The following ABCC11 variants were observed in gnomAD, a reference collection of about 807,000 sequenced individuals.
The protein encoded by ABCC11 is ATP-binding cassette sub-family C member 11.
In ABCC11, 135 loss-of-function variants were observed where a neutral mutation model predicts 149.3. The ratio of observed to expected loss-of-function variants is 0.90; its 90% CI spans 0.79 to 1.04. The LOEUF (loss-of-function observed/expected upper bound fraction) is 1.04, where lower values mean the gene tolerates loss of function less well. ABCC11 is among the 50% of genes least tolerant of loss of function. ABCC11 has a pLI of 0.00. For synonymous variants in ABCC11, 665 were observed against 671.4 expected (o/e 0.99, Z 0.15); for missense variants, 1,680 against 1,722.1 (o/e 0.98, Z 0.43).
At chr16:48,196,548 T>A (rs1967436032) in intron 17 of ABCC11, among the ~76,000 whole-genome samples, 1 of 152,202 alleles carries the variant, frequency 6.6e-6, no homozygotes, top group Non-Finnish European at 1.5e-5. Flanking sequence ...CTGGAGGGAC[T>A]GCGGGGTCTC....
At chr16:48,233,198 C>G (rs544960527) in intron 1 of ABCC11, among the ~76,000 whole-genome samples, 1 of 152,284 alleles carries the variant, frequency 6.6e-6, no homozygotes, top group East Asian at 1.9e-4. Context: ...AAGACCCCAT[C>G]TCAAAAAACA....
At chr16:48,208,950 A>G (rs929464989) in intron 11 of ABCC11, among the ~76,000 whole-genome samples, 2 of 152,226 alleles carry the variant, frequency 1.3e-5, no homozygotes, top group Non-Finnish European at 2.9e-5. Flanking sequence ...CTATGGACCT[A>G]GTAATGAAGA....
chr16:48,183,654 T>C (rs1966582512), intron 23 of ABCC11, among the ~76,000 whole-genome samples: 1 of 152,180 alleles, frequency 6.6e-6, no homozygotes, highest in Non-Finnish European at 1.5e-5. Context: ...TCCCAGCTAC[T>C]CAGGAGGCTG....
At chr16:48,177,667 G>A (rs1966173146) in intron 24 of ABCC11, among the ~76,000 whole-genome samples, 2 of 152,218 alleles carry the variant, frequency 1.3e-5, no homozygotes, top group South Asian at 4.1e-4. Flanking sequence ...TGCATCAAGT[G>A]CAGTTGTGTG....
chr16:48,216,093 G>A, intron 7 of ABCC11, 21 bp downstream of exon 7: 2 of 1,610,732 alleles, frequency 1.2e-6, no homozygotes, highest in Non-Finnish European at 1.7e-6. Flanking sequence ...GCATCAAATG[G>A]GTGACAGAGA....
At chr16:48,192,933 G>A (rs1311451418) in intron 19 of ABCC11, among the ~76,000 whole-genome samples, 1 of 152,210 alleles carries the variant, frequency 6.6e-6, no homozygotes, top group East Asian at 1.9e-4. Flanking sequence ...CGTGGACACT[G>A]CAGCAGCTGG....
At chr16:48,245,362 T>A (rs1971308554) in intron 1 of ABCC11, among the ~76,000 whole-genome samples, 3 of 152,238 alleles carry the variant, frequency 2.0e-5, no homozygotes. Flanking sequence ...GGGTGAGAGC[T>A]TTAACCTCTA....
intron 20 of ABCC11, among the ~76,000 whole-genome samples, chr16:48,190,259 T>C (rs1007594703): frequency 3.3e-5 from 5 of 152,170 alleles, no homozygotes; most frequent in African/African-American, 1.2e-4. Context: ...CATTCTCTAA[T>C]GTAAGCCTCA....
downstream of ABCC11, among the ~76,000 whole-genome samples, chr16:48,165,320 TAAGA>T (rs112237351): frequency 2.9e-4 from 44 of 152,288 alleles, no homozygotes; most frequent in Admixed American, 7.8e-4. Flanking sequence ...AAAGGTTTTT[TAAGA>T]AAGATAAACC....
chr16:48,175,631 G>A (rs182994735), intron 25 of ABCC11, among the ~76,000 whole-genome samples: 28 of 152,290 alleles, frequency 1.8e-4, no homozygotes, highest in Middle Eastern at 3.4e-3. Flanking sequence ...GAGGGCACAC[G>A]TGGGGCCCCT....
At position 48,226,189 on chromosome 16, in the gene ABCC11, T is replaced by C. The variant is rs536464424; in HGVS notation, c.395+1617A>G. On this transcript the variant is annotated intron_variant, in intron 4 of 29. Coordinates refer to ENST00000356608, the MANE Select transcript of ABCC11 (RefSeq NM_001370497.1). ...CCTTCCGGGTTCAAGCGATTCTCTG[T>C]GTACTTTAAAAAATGAATTTATCAC... Among the ~76,000 whole-genome samples, 5 of 151,034 alleles carry C rather than the reference T, an allele frequency of 3.3e-5. No individual in the cohort carries two copies. The South Asian group carries it at 1.0e-3, about 32-fold the overall frequency.
At chr16:48,167,724 T>C in intron 28 of ABCC11, 64 bp from the exon 29 acceptor site, 1 of 1,560,778 alleles carries the variant, frequency 6.4e-7, no homozygotes, top group Non-Finnish European at 8.8e-7. Context: ...GGTCTAGCCC[T>C]GGTTTACCAC....
chr16:48,231,887 G>C lies in ABCC11; in HGVS notation c.35C>G (p.Ser12Cys), dbSNP rs751767882. Residue 12 changes from serine to cysteine, a missense_variant, in exon 2 of 30, where the codon TCT (serine) becomes TGT (cysteine). Physicochemically the swap from Ser to Cys is moderately radical, Grantham distance 112 (BLOSUM62 -1). Transcript: ENST00000356608. ...TRKRTYWVPN[S>C]SGGLVNRGID... The stretch of plus-strand genomic sequence containing the variant: ...GCCACGATTCACGAGGCCACCAGAA[G>C]AGTTGGGCACCCAGTATGTCCTCTT... The C allele has an allele frequency of 6.8e-6, 11 of 1,614,074 alleles. No homozygotes were observed. Among genetic ancestry groups the C allele is most frequent in the Non-Finnish European group, 9.3e-6 (11 of 1,180,030 alleles).
chr16:48,226,526 C>G (rs1970086295), intron 4 of ABCC11, among the ~76,000 whole-genome samples: 1 of 152,088 alleles, frequency 6.6e-6, no homozygotes, highest in Non-Finnish European at 1.5e-5. Context: ...ATCTGCCCAC[C>G]TTGGCCTCCC....
chr16:48,203,154 C>T (rs1596753471), intron 14 of ABCC11, 74 bp downstream of exon 14: 1 of 1,428,688 alleles, frequency 7.0e-7, no homozygotes, highest in Non-Finnish European at 9.6e-7. Flanking sequence ...TTCCTCCCTT[C>T]CCTGCCTGGG....
chr16:48,232,234 C>A (rs1402607366), intron 1 of ABCC11: 2 of 287,128 alleles, frequency 7.0e-6, no homozygotes, highest in African/African-American at 4.3e-5. Context: ...TGTATCAAAC[C>A]CCTGCTCATA....
rs759137348 is a variant in ABCC11, at chr16:48,198,004, T to C, written c.2281A>G (p.Thr761Ala). 1.2e-6 allele frequency: 2 copies of C among 1,614,036 alleles called. No homozygotes were observed. Among genetic ancestry groups the C allele is most frequent in the Admixed American group, 1.7e-5 (1 of 60,012 alleles). Reference sequence around the variant, plus strand: ...CCGTTGAGAGACTCTTCCAGGGAGGTGGCCAGAGCCTGACTTTCTACCTTT... The same window carrying C: ...CCGTTGAGAGACTCTTCCAGGGAGGCGGCCAGAGCCTGACTTTCTACCTTT... The part of the protein sequence containing the change: ...KPKVESQALA[T>A]SLEESLNGNA... The change falls in exon 17 of 30, where the codon ACC (threonine) becomes GCC (alanine). Residue 761 changes from threonine to alanine, a missense_variant. Coordinates refer to ENST00000356608, the MANE Select transcript of ABCC11 (RefSeq NM_001370497.1).
chr16:48,168,367 A>G (rs976412218), intron 28 of ABCC11, among the ~76,000 whole-genome samples: 62 of 152,214 alleles, frequency 4.1e-4, no homozygotes, highest in African/African-American at 1.4e-3. Flanking sequence ...TCTCCAAAGA[A>G]GAGGGGGAAA....
chr16:48,231,737 A>C, intron 2 of ABCC11, 86 bp downstream of exon 2: 5 of 1,537,628 alleles, frequency 3.3e-6, no homozygotes, highest in Admixed American at 2.0e-5. Context: ...AAGTATGGGA[A>C]GAAATTGTTT....
Sources: allele counts gnomAD v4.1 joint callset (sites outside exome capture counted in the v4.1 genomes callset), GRCh38; gene constraint gnomAD v4.1.1; transcripts MANE v1.5; gene names NCBI Gene and HGNC (gene_info 2026-07-23, HGNC 2026-07-21).